CNTN1: variants seen among roughly 807,000 people sequenced by gnomAD.
The protein encoded by CNTN1 is contactin 1, also known as contactin-1.
A neutral mutation model predicts 126.4 loss-of-function variants in CNTN1; 38 were observed. The observed-to-expected ratio is 0.30, with a 90% confidence interval of 0.23 to 0.39. The LOEUF is 0.39. Ranked by LOEUF, CNTN1 falls within the 10% of genes least tolerant of loss-of-function variation. The pLI is 1.00. For synonymous variants in CNTN1, 413 were observed against 422.6 expected, an observed-to-expected ratio of 0.98 and a Z score of 0.28; for missense variants, 1,009 against 1,248.4, an observed-to-expected ratio of 0.81 and a Z score of 2.89.
intron 1 of CNTN1, among the ~76,000 whole-genome samples, chr12:40,750,522 G>C (rs1938367217): frequency 6.6e-6 from 1 of 152,042 alleles, no homozygotes. Context: ...ATGGGTATTA[G>C]CTGTGCATGG....
chr12:40,831,081 A>T (rs1338879711), intron 1 of CNTN1, among the ~76,000 whole-genome samples: 1 of 144,770 alleles, frequency 6.9e-6, no homozygotes, highest in East Asian at 2.0e-4. Flanking sequence ...TATACTATAC[A>T]TATACTATAT....
intron 1 of CNTN1, among the ~76,000 whole-genome samples, chr12:40,880,759 A>G (rs534048556): frequency 2.0e-5 from 3 of 152,138 alleles, no homozygotes; most frequent in Admixed American, 1.3e-4. Context: ...TCTGGAACAC[A>G]GATGATTTAA....
chr12:40,946,310 A>T (rs1017519132), intron 14 of CNTN1, among the ~76,000 whole-genome samples: 1 of 152,140 alleles, frequency 6.6e-6, no homozygotes, highest in African/African-American at 2.4e-5. Flanking sequence ...TTGTTAATAG[A>T]TCATTCTCAG....
intron 17 of CNTN1, among the ~76,000 whole-genome samples, chr12:40,999,559 A>C (rs967740775): frequency 2.1e-4 from 32 of 152,270 alleles, no homozygotes; most frequent in South Asian, 1.2e-3. Flanking sequence ...TTTTGTGTCA[A>C]TTCCACCTGT....
chr12:40,819,723 G>A (rs968242476), intron 1 of CNTN1, among the ~76,000 whole-genome samples: 1 of 152,216 alleles, frequency 6.6e-6, no homozygotes, highest in African/African-American at 2.4e-5. Context: ...AGTTCAGTAA[G>A]CTTAAGCAGA....
chr12:41,009,599 G>A (rs1948595193), intron 17 of CNTN1, among the ~76,000 whole-genome samples: 1 of 152,190 alleles, frequency 6.6e-6, no homozygotes, highest in Non-Finnish European at 1.5e-5. Context: ...TGAGATGGAA[G>A]TCCTGAAGTA....
At chr12:40,827,425 T>TAA (rs61633200) in intron 1 of CNTN1, among the ~76,000 whole-genome samples, 4 of 151,902 alleles carry the variant, frequency 2.6e-5, no homozygotes, top group Admixed American at 2.6e-4. Context: ...TGAGTCCTGG[T>TAA]AAAAATCTCC....
intron 15 of CNTN1, among the ~76,000 whole-genome samples, chr12:40,977,673 A>G (rs1290606938): frequency 6.6e-6 from 1 of 152,212 alleles, no homozygotes; most frequent in Non-Finnish European, 1.5e-5. Flanking sequence ...CAATAATAAT[A>G]TTGTTAATAG....
intron 17 of CNTN1, among the ~76,000 whole-genome samples, chr12:40,993,520 A>T (rs556069502): frequency 4.7e-5 from 7 of 148,916 alleles, no homozygotes; most frequent in Non-Finnish European, 1.0e-4. Context: ...GAATTAATAT[A>T]GAGGAAGAGG....
chr12:41,063,118 C>T (rs567734496), intron 23 of CNTN1, among the ~76,000 whole-genome samples: 1 of 152,214 alleles, frequency 6.6e-6, no homozygotes, highest in Non-Finnish European at 1.5e-5. Flanking sequence ...TCGAACGCTG[C>T]ACCTACCTTG....
intron 1 of CNTN1, among the ~76,000 whole-genome samples, chr12:40,847,825 T>C (rs1443428615): frequency 6.6e-6 from 1 of 152,198 alleles, no homozygotes; most frequent in African/African-American, 2.4e-5. Flanking sequence ...ACAGGTTTCA[T>C]GCAAAACAGT....
At chr12:40,927,842 T>A (rs1945747319) in intron 6 of CNTN1, among the ~76,000 whole-genome samples, 1 of 152,058 alleles carries the variant, frequency 6.6e-6, no homozygotes, top group Non-Finnish European at 1.5e-5. Flanking sequence ...ATCACGACAA[T>A]AACTTCTCGG....
At chr12:40,778,813 A>G (rs1359294462) in intron 1 of CNTN1, among the ~76,000 whole-genome samples, 1 of 151,830 alleles carries the variant, frequency 6.6e-6, no homozygotes, top group Non-Finnish European at 1.5e-5. Flanking sequence ...TTAAAATATA[A>G]TAGTGGGGAA....
chr12:40,843,944 G>T (rs1456840263), intron 1 of CNTN1, among the ~76,000 whole-genome samples: 1 of 151,858 alleles, frequency 6.6e-6, no homozygotes. Flanking sequence ...AGAAGAACAA[G>T]AACATGGCTA....
intron 1 of CNTN1, among the ~76,000 whole-genome samples, chr12:40,786,685 G>A (rs931764350): frequency 1.3e-5 from 2 of 152,098 alleles, no homozygotes; most frequent in Admixed American, 6.6e-5. Flanking sequence ...TAAAATGCAG[G>A]ACGTCAACAA....
At chr12:41,054,915 C>T (rs779147572) in intron 23 of CNTN1, among the ~76,000 whole-genome samples, 1 of 152,106 alleles carries the variant, frequency 6.6e-6, no homozygotes, top group Non-Finnish European at 1.5e-5. Flanking sequence ...TGTGGTTTAT[C>T]GTCAGCCATT....
intron 1 of CNTN1, among the ~76,000 whole-genome samples, chr12:40,865,091 T>C (rs1943252851): frequency 6.6e-6 from 1 of 152,192 alleles, no homozygotes. Context: ...TGAGTAATGA[T>C]AGCAATGATT....
chr12:40,909,198 G>A (rs1453694822), intron 2 of CNTN1, among the ~76,000 whole-genome samples: 1 of 151,992 alleles, frequency 6.6e-6, no homozygotes, highest in Non-Finnish European at 1.5e-5. Context: ...AATTTTGAGA[G>A]TACATTCATT....
At chr12:40,967,881 G>T (rs1258633389) in intron 15 of CNTN1, among the ~76,000 whole-genome samples, 3 of 150,540 alleles carry the variant, frequency 2.0e-5, no homozygotes, top group Non-Finnish European at 4.4e-5. Flanking sequence ...TGAAAATAAA[G>T]ATATATAATT....
Sources: gnomAD v4.1 joint callset for allele counts (sites outside exome capture counted in the v4.1 genomes callset) on GRCh38, gnomAD v4.1.1 for gene constraint, MANE v1.5 for transcripts, NCBI Gene and HGNC (gene_info 2026-07-23, HGNC 2026-07-21) for gene names.